CELF2: variants seen among roughly 807,000 people sequenced by gnomAD.
CELF2 encodes CUGBP Elav-like family member 2.
CELF2 carries 8 observed loss-of-function variants against 62.6 expected under a neutral mutation model. That is an observed-to-expected ratio of 0.13 (90% CI 0.07 to 0.23). The LOEUF is 0.23. Ranked by LOEUF, CELF2 falls within the 10% of genes least tolerant of loss-of-function variation. The probability of loss-of-function intolerance (pLI) is 1.00; values close to 1 mark genes in which losing one functional copy is unlikely to be tolerated. For missense variants in CELF2, 333 were observed against 671.0 expected (o/e 0.50, Z 5.56); for synonymous variants, 258 against 250.0 (o/e 1.03, Z -0.30).
At chr10:11,228,085 A>G (rs1207521480) in intron 3 of CELF2, among the ~76,000 whole-genome samples, 1 of 152,208 alleles carries the variant, frequency 6.6e-6, no homozygotes, top group Non-Finnish European at 1.5e-5. Context: ...CATTCTATAT[A>G]TGTTATATGC....
upstream of CELF2, among the ~76,000 whole-genome samples, chr10:11,013,897 A>T (rs575762081): frequency 5.9e-5 from 9 of 152,364 alleles, no homozygotes; most frequent in South Asian, 1.9e-3. This position sits in a 1 kb window ranked among gnomAD's most constrained non-coding sequence, Gnocchi z 4.1. Context: ...TTGTTAACAC[A>T]TTAAAAAATG....
rs2074708713 is a variant in CELF2, at chr10:11,243,671, G to A, written c.355-5482G>A. Among the ~76,000 whole-genome samples, 1 of 152,212 alleles carries A rather than the reference G, an allele frequency of 6.6e-6. No homozygotes were observed. The highest frequency in any genetic ancestry group is 2.4e-5 in the African/African-American group (1 of 41,444). On this transcript the variant is annotated intron_variant, in intron 3 of 12. Coordinates refer to ENST00000633077, the MANE Select transcript of CELF2 (RefSeq NM_001326342.2). The surrounding 1 kb of genome is among the most constrained non-coding windows in gnomAD (Gnocchi z 4.1). ...TGACTCAGGAAAACCACTCTGTAAA[G>A]TCAGAGGCTGGTGTTTGTAAAATTC...
intron 1 of CELF2, among the ~76,000 whole-genome samples, chr10:10,900,418 T>C (rs116317245): frequency 7.3e-4 from 111 of 152,310 alleles, no homozygotes; most frequent in African/African-American, 2.6e-3. Flanking sequence ...CAAAAATCAA[T>C]TTATATAATT....
the CELF2 span, among the ~76,000 whole-genome samples, chr10:10,665,039 T>A: frequency 2.6e-5 from 4 of 152,222 alleles, no homozygotes; most frequent in African/African-American, 9.6e-5. Context: ...AAGCTTTTAA[T>A]CATGTAGTGT....
rs560973243 is a variant in CELF2 at position 11,260,101 on chromosome 10, T to C, written c.538+2229T>C. ...ACTTCTACTGAAATGAAATAGAACT[T>C]TAGTCATTTTATTTTCTTACCTCTG... On this transcript the variant is annotated intron_variant, in intron 5 of 12. Transcript: ENST00000633077. The surrounding 1 kb of genome is among the most constrained non-coding windows in gnomAD (Gnocchi z 4.2). Among the ~76,000 whole-genome samples the C allele has an allele frequency of 4.6e-5, 7 of 152,274 alleles. No individual in the cohort carries two copies. The South Asian group carries it at 1.5e-3, about 32-fold the overall frequency.
chr10:10,662,619 G>T, the CELF2 span, among the ~76,000 whole-genome samples: 1 of 152,152 alleles, frequency 6.6e-6, no homozygotes, highest in Non-Finnish European at 1.5e-5. Flanking sequence ...TGTAGTAAAA[G>T]TGACCCCCTT....
chr10:10,946,338 G>T (rs1201056199), intron 2 of CELF2: 2 of 152,348 alleles, frequency 1.3e-5, no homozygotes, highest in Non-Finnish European at 2.9e-5. Context: ...ACTCATTAAG[G>T]GTGTAGAAAT....
intron 1 of CELF2, among the ~76,000 whole-genome samples, chr10:11,092,751 A>C (rs557977092): frequency 6.6e-6 from 1 of 152,204 alleles, no homozygotes; most frequent in African/African-American, 2.4e-5. Context: ...TTCAGGGAAG[A>C]AGGTGAGAGT....
chr10:11,178,457 G>A lies in CELF2; in HGVS notation c.271+12775G>A, dbSNP rs1460346335. On this transcript the variant is annotated intron_variant, in intron 2 of 12. Transcript: ENST00000633077. This position sits in a 1 kb window ranked among gnomAD's most constrained non-coding sequence, Gnocchi z 4.3. ...AGGCTTTGCTCTAATCTCTGTGAAG[G>A]AAGAAAAAGACTTGGGGAAAGGTAA... Among the ~76,000 whole-genome samples the A allele has an allele frequency of 6.6e-6, 1 of 152,220 alleles. No individual in the cohort carries two copies. The highest frequency in any genetic ancestry group is 2.4e-5 in the African/African-American group (1 of 41,452).
chr10:10,895,546 A>G (rs2062486123), intron 1 of CELF2, among the ~76,000 whole-genome samples: 1 of 152,164 alleles, frequency 6.6e-6, no homozygotes, highest in Admixed American at 6.6e-5. Flanking sequence ...TTCAGATAAT[A>G]TGCTCCAGAC....
chr10:11,089,779 G>C (rs2047812608), intron 1 of CELF2, among the ~76,000 whole-genome samples: 1 of 152,144 alleles, frequency 6.6e-6, no homozygotes, highest in Non-Finnish European at 1.5e-5. Context: ...AGTCAACCCA[G>C]GTGCCCATCA....
intron 10 of CELF2, chr10:11,320,975 C>T: frequency 6.7e-7 from 1 of 1,488,758 alleles, no homozygotes. Context: ...AATCACTGGC[C>T]TAGGGAGTGA....
the CELF2 span, among the ~76,000 whole-genome samples, chr10:10,783,554 C>A: frequency 1.4e-4 from 21 of 152,194 alleles, no homozygotes; most frequent in African/African-American, 5.1e-4. Context: ...TCAAGACACT[C>A]AGTTTGTGAG....
chr10:11,026,504 C>A (rs1017086721), intron 1 of CELF2, among the ~76,000 whole-genome samples: 1 of 152,064 alleles, frequency 6.6e-6, no homozygotes, highest in Non-Finnish European at 1.5e-5. Context: ...AAAGATGATA[C>A]CCAAAAGTGT....
the CELF2 span, among the ~76,000 whole-genome samples, chr10:10,566,171 G>A: frequency 7.2e-5 from 11 of 152,098 alleles, no homozygotes; most frequent in South Asian, 1.7e-3. Context: ...AAGCATATTA[G>A]GTTTTAATAG....
At chr10:10,567,586 C>T in the CELF2 span, among the ~76,000 whole-genome samples, 3 of 152,100 alleles carry the variant, frequency 2.0e-5, no homozygotes, top group Non-Finnish European at 4.4e-5. Flanking sequence ...TCGGAGTCAA[C>T]CTGAGATGAG....
chr10:11,147,371 C>T (rs753434364), intron 1 of CELF2, among the ~76,000 whole-genome samples: 9 of 151,916 alleles, frequency 5.9e-5, no homozygotes, highest in Admixed American at 2.0e-4. Context: ...TCAAATGGGT[C>T]GCATTTTAGT....
chr10:11,037,081 A>C lies in CELF2; in HGVS notation c.74+18918A>C, dbSNP rs1217396564. 3.7e-5 allele frequency among the ~76,000 whole-genome samples: 5 copies of C among 133,810 alleles called. No individual in the cohort carries two copies. The East Asian group carries it at 1.2e-3, about 33-fold the overall frequency. The allele number at this position is 133,810 out of a possible 152,430, so 87.8% of individuals were successfully genotyped here. On this transcript the variant is annotated intron_variant, in intron 1 of 12. Coordinates refer to ENST00000633077, the MANE Select transcript of CELF2 (RefSeq NM_001326342.2). ...TCCGTTCTCACACTGCTAATAAAGA[A>C]AGATGTACCTGAGACTGAGTAATTT...
intron 1 of CELF2, among the ~76,000 whole-genome samples, chr10:11,138,939 G>C (rs1055696127): frequency 1.3e-5 from 2 of 152,238 alleles, no homozygotes; most frequent in South Asian, 2.1e-4. Flanking sequence ...GTATGTGACT[G>C]AACTGATGGG....
Sources: gnomAD v4.1 joint callset for allele counts (sites outside exome capture counted in the v4.1 genomes callset) on GRCh38, gnomAD v4.1.1 for gene constraint, Gnocchi (gnomAD v3.1) non-coding constraint, MANE v1.5 for transcripts, NCBI Gene and HGNC (gene_info 2026-07-23, HGNC 2026-07-21) for gene names.